The following FGFR1 variants were observed in gnomAD, a reference collection of about 807,000 sequenced individuals.
The protein encoded by FGFR1 is fibroblast growth factor receptor 1.
FGFR1 carries 18 observed loss-of-function variants against 93.7 expected under a neutral mutation model. The ratio of observed to expected loss-of-function variants is 0.19; its 90% CI spans 0.13 to 0.28. The LOEUF (loss-of-function observed/expected upper bound fraction) is 0.28, where lower values mean the gene tolerates loss of function less well. Among genes scored for constraint, FGFR1 ranks in the 10% least tolerant of loss-of-function variants. The pLI is 1.00. For synonymous variants in FGFR1, 448 were observed against 429.3 expected, an observed-to-expected ratio of 1.04 and a Z score of -0.54; for missense variants, 731 against 1,080.4, an observed-to-expected ratio of 0.68 and a Z score of 4.53.
intron 1 of FGFR1, among the ~76,000 whole-genome samples, chr8:38,464,057 G>A (rs913399232): frequency 2.6e-5 from 4 of 152,142 alleles, no homozygotes; most frequent in Non-Finnish European, 5.9e-5. Context: ...GCTCACACCT[G>A]TAATCCCAGC....
At chr8:38,464,419 CA>C (rs1308453849) in intron 1 of FGFR1, among the ~76,000 whole-genome samples, 1 of 151,338 alleles carries the variant, frequency 6.6e-6, no homozygotes, top group Non-Finnish European at 1.5e-5. Context: ...GGAACCCCAC[CA>C]AATTCTTGGG....
At chr8:38,463,428 T>C (rs1010495557) in intron 1 of FGFR1, 2 of 201,742 alleles carry the variant, frequency 9.9e-6, no homozygotes, top group East Asian at 7.6e-5. Flanking sequence ...CCCTCTCACA[T>C]AGCACTTAGG....
chr8:38,428,642 C>A (rs1414463442), intron 3 of FGFR1: 3 of 594,322 alleles, frequency 5.0e-6, no homozygotes, highest in Non-Finnish European at 9.1e-6. Context: ...ACTGCCCCCA[C>A]TGCCTGGAAG....
intron 2 of FGFR1, among the ~76,000 whole-genome samples, chr8:38,447,151 A>ACACACACACC (rs1283999521): frequency 5.5e-5 from 7 of 128,132 alleles, no homozygotes; most frequent in African/African-American, 2.1e-4. Context: ...ACACACACAC[A>ACACACACACC]CCCCTGACAA....
intron 8 of FGFR1, chr8:38,420,373 AT>A (rs1316219133): frequency 6.6e-5 from 10 of 152,670 alleles, no homozygotes; most frequent in African/African-American, 2.4e-4. Context: ...ACAGGTAAAT[AT>A]TTATTCCTAG....
chr8:38,445,300 G>A (rs1388770863), intron 2 of FGFR1, among the ~76,000 whole-genome samples: 2 of 152,106 alleles, frequency 1.3e-5, no homozygotes, highest in East Asian at 1.9e-4. Context: ...CTCTTCACCC[G>A]TTCTCCCTGG....
chr8:38,413,024 G>C lies in FGFR1; in HGVS notation c.*604C>G, dbSNP rs1222976008. 2 of 235,202 alleles carry C rather than the reference G, an allele frequency of 8.5e-6. No homozygotes were observed. The highest frequency in any genetic ancestry group is 1.7e-5 in the Non-Finnish European group (2 of 119,260). The allele number at this position is 235,202 out of a possible 1,614,324, so 14.6% of individuals were successfully genotyped here. ...CTATATACAGAGCCCCCAGTTTGGG[G>C]CTGGGCCCCAGGGCCACAACACTGC... On this transcript the variant is annotated 3_prime_UTR_variant, in exon 18 of 18. Transcript: ENST00000447712. The surrounding 1 kb of genome is among the most constrained non-coding windows in gnomAD (Gnocchi z 4.2).
chr8:38,464,403 A>G (rs905061410), intron 1 of FGFR1, among the ~76,000 whole-genome samples: 2 of 151,602 alleles, frequency 1.3e-5, no homozygotes, highest in Non-Finnish European at 1.5e-5. Context: ...AGGATGTACT[A>G]TGAGTGGAAC....
chr8:38,460,728 A>C (rs1307769760), intron 1 of FGFR1, among the ~76,000 whole-genome samples: 1 of 152,214 alleles, frequency 6.6e-6, no homozygotes, highest in Non-Finnish European at 1.5e-5. Context: ...TGGAATAAGA[A>C]GTCAGCATAC....
In FGFR1 at chr8:38,426,330, C is replaced by T. The variant is rs2150871129; in HGVS notation, c.622-85G>A. ...CAATGTCGGCACCCCGTGGCACCTG[C>T]CCTCCATATCAGAGCCTGGTGGCAC... On this transcript the variant is annotated intron_variant, in intron 5 of 17. Coordinates refer to ENST00000447712, the MANE Select transcript of FGFR1 (RefSeq NM_023110.3). The surrounding 1 kb of genome is among the most constrained non-coding windows in gnomAD (Gnocchi z 4.1). 3 of 1,584,716 alleles carry T rather than the reference C, an allele frequency of 1.9e-6. No homozygotes were observed. Among genetic ancestry groups the T allele is most frequent in the East Asian group, 2.2e-5 (1 of 44,726 alleles).
intron 2 of FGFR1, chr8:38,440,468 A>T (rs1174018193): frequency 9.8e-7 from 1 of 1,022,378 alleles, no homozygotes; most frequent in Non-Finnish European, 1.4e-6. Context: ...TGGGGGGCAC[A>T]GGTATGTGTG....
Position 38,418,351 on chromosome 8 carries a change from G to C in FGFR1, c.1307C>G (p.Ser436Cys), listed in dbSNP as rs747976513. The change falls in exon 10 of 18, where the codon TCC becomes TGC. Residue 436 changes from serine to cysteine, a missense_variant. This residue lies in a region of FGFR1 where 146 missense variants were observed against 173.0 expected (regional missense o/e 0.84). Coordinates refer to ENST00000447712, the MANE Select transcript of FGFR1 (RefSeq NM_023110.3). ...QVTVSADSSA[S>C]MNSGVLLVRP... ...AACCAGAAGAACCCCAGAGTTCATGGATGCACTGGAGTCAGCAGACACCTG... is the reference window on the plus strand; with the variant it reads ...AACCAGAAGAACCCCAGAGTTCATGCATGCACTGGAGTCAGCAGACACCTG... 36 of 1,614,022 alleles carry C rather than the reference G, an allele frequency of 2.2e-5. No individual in the cohort carries two copies. The highest frequency in any genetic ancestry group is 3.4e-6 in the Non-Finnish European group (4 of 1,180,004).
At chr8:38,425,499 TATC>T (rs1343896178) in intron 6 of FGFR1, among the ~76,000 whole-genome samples, 1 of 152,046 alleles carries the variant, frequency 6.6e-6, no homozygotes, top group Non-Finnish European at 1.5e-5. Context: ...TCTTAGACCA[TATC>T]ATCATAATCA....
In FGFR1 at chr8:38,421,956, G is replaced by A. The variant is rs966338298; in HGVS notation, c.937-15C>T. On this transcript the variant is annotated splice_polypyrimidine_tract_variant and intron_variant, in intron 7 of 17. Transcript: ENST00000447712. Reference sequence around the variant, plus strand: ...ACTCCAGCAGTCTAGAAGAGACAACGGAAGCAAAATGGACAAGCACAGGAC... The same window carrying A: ...ACTCCAGCAGTCTAGAAGAGACAACAGAAGCAAAATGGACAAGCACAGGAC... 1.9e-5 allele frequency: 30 copies of A among 1,613,830 alleles called. No homozygotes were observed. The highest frequency in any genetic ancestry group is 2.4e-5 in the Non-Finnish European group (28 of 1,179,932).
chr8:38,447,260 T>C (rs1243298195), intron 2 of FGFR1, among the ~76,000 whole-genome samples: 1 of 151,946 alleles, frequency 6.6e-6, no homozygotes, highest in Non-Finnish European at 1.5e-5. Context: ...GAAACCCAAT[T>C]TGATATAGAA....
chr8:38,411,765 C>T lies in FGFR1; in HGVS notation c.*1863G>A. 1 of 230,828 alleles carries T rather than the reference C, an allele frequency of 4.3e-6. No homozygotes were observed. The allele number at this position is 230,828 out of a possible 1,614,324, so 14.3% of individuals were successfully genotyped here. A position where few individuals can be genotyped will look rare whatever the true frequency, so the allele number is the denominator to read the frequency against. On this transcript the variant is annotated 3_prime_UTR_variant, in exon 18 of 18. Transcript: ENST00000447712. The stretch of plus-strand genomic sequence containing the variant: ...GGTGGCAGAAGTAAATTCCAAGCAG[C>T]CAAAAAACCAAAAACATTCGGAGAA...
rs2150506659 is a variant in FGFR1 at position 38,413,694 on chromosome 8, C to G, written c.2403G>C (p.Leu801=). ...GTCGGGGCAGGCAGGGCTCCTCGGGCAGCGGCTCATGAGAGAAGACGGAAT... is the reference window on the plus strand; with the variant it reads ...GTCGGGGCAGGCAGGGCTCCTCGGGGAGCGGCTCATGAGAGAAGACGGAAT... The part of the protein sequence containing the change: ...GEDSVFSHEP[L]PEEPCLPRHP... Residue 801 remains leucine, a synonymous_variant, in exon 18 of 18, where the codon CTG becomes CTC. Coordinates refer to ENST00000447712, the MANE Select transcript of FGFR1 (RefSeq NM_023110.3). This position sits in a 1 kb window ranked among gnomAD's most constrained non-coding sequence, Gnocchi z 4.2. The G allele has an allele frequency of 6.2e-7, 1 of 1,613,688 alleles. No homozygotes were observed. Among genetic ancestry groups the G allele is most frequent in the Non-Finnish European group, 8.5e-7 (1 of 1,179,876 alleles).
At chr8:38,433,054 G>A (rs1319704870) in intron 2 of FGFR1, among the ~76,000 whole-genome samples, 1 of 152,154 alleles carries the variant, frequency 6.6e-6, no homozygotes, top group Non-Finnish European at 1.5e-5. Flanking sequence ...AAAACGTCCA[G>A]GGGCTGGGTG....
intron 1 of FGFR1, among the ~76,000 whole-genome samples, chr8:38,467,003 T>A (rs775978022): frequency 3.3e-5 from 5 of 150,556 alleles, no homozygotes; most frequent in Admixed American, 6.6e-5. Flanking sequence ...CAAACATGGG[T>A]CGTAGCCTCA....
Sources: allele counts gnomAD v4.1 joint callset (sites outside exome capture counted in the v4.1 genomes callset), GRCh38; gene constraint gnomAD v4.1.1; regional missense constraint gnomAD v4.1.1; non-coding constraint Gnocchi (gnomAD v3.1); transcripts MANE v1.5; gene names NCBI Gene and HGNC (gene_info 2026-07-23, HGNC 2026-07-21).